The following RBM6 variants were observed in gnomAD, a reference collection of about 807,000 sequenced individuals.
The protein encoded by RBM6 is RNA-binding protein 6.
RBM6 carries 23 observed loss-of-function variants against 140.4 expected under a neutral mutation model. The ratio of observed to expected loss-of-function variants is 0.16; its 90% CI spans 0.12 to 0.23. The LOEUF is 0.23. Among genes scored for constraint, RBM6 ranks in the 10% least tolerant of loss-of-function variants. The pLI, the probability that RBM6 is intolerant of heterozygous loss-of-function variation, is 1.00. For synonymous variants in RBM6, 439 were observed against 475.6 expected (o/e 0.92, Z 1.00); for missense variants, 1,139 against 1,386.7 (o/e 0.82, Z 2.84).
chr3:50,010,138 C>T (rs1287137860), intron 6 of RBM6, among the ~76,000 whole-genome samples: 4 of 152,218 alleles, frequency 2.6e-5, no homozygotes, highest in South Asian at 2.1e-4. Flanking sequence ...CCACCCGTCT[C>T]GGCCTCCCAA....
intron 5 of RBM6, among the ~76,000 whole-genome samples, chr3:49,981,912 A>G (rs748625629): frequency 5.3e-5 from 8 of 152,242 alleles, no homozygotes; most frequent in Non-Finnish European, 1.0e-4. Flanking sequence ...TCATTTAAGC[A>G]AAAATGATAC....
intron 1 of RBM6, among the ~76,000 whole-genome samples, chr3:49,946,531 C>T (rs546164687): frequency 6.6e-5 from 10 of 151,944 alleles, no homozygotes; most frequent in East Asian, 1.9e-4. Context: ...TGAGCCACCG[C>T]GCCTGGCATT....
At chr3:50,076,839 G>A (rs1041539099) in intron 20 of RBM6, among the ~76,000 whole-genome samples, 169 bp from the exon 21 acceptor site, 2 of 151,334 alleles carry the variant, frequency 1.3e-5, no homozygotes, top group Non-Finnish European at 2.9e-5. Context: ...AGCCCAGATC[G>A]CACCACTGCA....
At chr3:50,009,357 C>T (rs936710941) in intron 6 of RBM6, among the ~76,000 whole-genome samples, 1 of 152,126 alleles carries the variant, frequency 6.6e-6, no homozygotes, top group African/African-American at 2.4e-5. Context: ...TCAGAAAATT[C>T]TTGTAGGCTG....
At chr3:50,053,286 A>G (rs1294639041) in intron 7 of RBM6, among the ~76,000 whole-genome samples, 3 of 152,048 alleles carry the variant, frequency 2.0e-5, no homozygotes, top group African/African-American at 7.2e-5. Context: ...AATCCCAGCA[A>G]TTTGGGAGGC....
chr3:50,042,678 G>A (rs1363352538), intron 6 of RBM6, among the ~76,000 whole-genome samples: 2 of 152,104 alleles, frequency 1.3e-5, no homozygotes, highest in African/African-American at 4.8e-5. Context: ...CAAGGCTGCA[G>A]TCAGTCATGA....
At chr3:49,955,169 T>TTC (rs2083922961) in intron 1 of RBM6, among the ~76,000 whole-genome samples, 2 of 114,324 alleles carry the variant, frequency 1.7e-5, no homozygotes, top group Non-Finnish European at 3.6e-5. Flanking sequence ...TCTTTTTTTT[T>TTC]TTTTTTTTTT....
intron 6 of RBM6, among the ~76,000 whole-genome samples, chr3:50,045,393 C>T (rs2089172930): frequency 6.6e-6 from 1 of 152,174 alleles, no homozygotes; most frequent in Non-Finnish European, 1.5e-5. Context: ...GTGTACCAAG[C>T]ACCAGGTCCT....
chr3:49,945,610 G>A (rs751701776), intron 1 of RBM6, among the ~76,000 whole-genome samples: 1 of 151,870 alleles, frequency 6.6e-6, no homozygotes, highest in African/African-American at 2.4e-5. Context: ...GGCTGGGCGC[G>A]GGTGGCTCAT....
chr3:49,974,332 G>A (rs1054347493), intron 4 of RBM6, among the ~76,000 whole-genome samples: 6 of 151,310 alleles, frequency 4.0e-5, no homozygotes, highest in African/African-American at 7.3e-5. Flanking sequence ...CTATCCTCCC[G>A]AGTAGCTGGG....
At chr3:50,071,707 T>C (rs911573842) in intron 19 of RBM6, among the ~76,000 whole-genome samples, 2 of 152,090 alleles carry the variant, frequency 1.3e-5, no homozygotes, top group African/African-American at 4.8e-5. Flanking sequence ...TGTGATCACC[T>C]GGGGAAAGGG....
At chr3:50,070,697 C>G in intron 19 of RBM6, 145 bp downstream of exon 19, 2 of 643,176 alleles carry the variant, frequency 3.1e-6, no homozygotes, top group East Asian at 2.8e-5. Context: ...GAGGTCTATG[C>G]CAGCCTTTTT....
intron 6 of RBM6, 138 bp downstream of exon 6, chr3:49,999,651 G>A: frequency 1.3e-6 from 1 of 741,016 alleles, no homozygotes; most frequent in South Asian, 1.8e-5. Context: ...ACCATCGGTT[G>A]TGAGGAAAAT....
At chr3:50,018,586 T>C (rs947349379) in intron 6 of RBM6, among the ~76,000 whole-genome samples, 2 of 120,634 alleles carry the variant, frequency 1.7e-5, no homozygotes, top group East Asian at 4.8e-4. Flanking sequence ...AGTGTGTTTT[T>C]TTTTTTTTTT....
chr3:50,074,966 A>T (rs1340668525), intron 19 of RBM6, among the ~76,000 whole-genome samples: 1 of 151,834 alleles, frequency 6.6e-6, no homozygotes, highest in African/African-American at 2.4e-5. Context: ...TGGCCAACAC[A>T]GTGAAACTCT....
At chr3:50,003,010 G>A (rs2086411439) in intron 6 of RBM6, among the ~76,000 whole-genome samples, 2 of 152,086 alleles carry the variant, frequency 1.3e-5, no homozygotes, top group African/African-American at 4.8e-5. Context: ...CAGCTACTTG[G>A]GAGGCTGGGG....
At chr3:49,980,025 G>T (rs2085234540) in intron 5 of RBM6, among the ~76,000 whole-genome samples, 1 of 151,376 alleles carries the variant, frequency 6.6e-6, no homozygotes, top group South Asian at 2.1e-4. Context: ...TTTTTAAACG[G>T]AGTCTCGTTT....
intron 3 of RBM6, among the ~76,000 whole-genome samples, chr3:49,970,167 CT>C (rs1035985329): frequency 1.3e-5 from 2 of 152,238 alleles, no homozygotes; most frequent in African/African-American, 4.8e-5. Context: ...GCTGGAACCC[CT>C]GATCTCAAAT....
chr3:49,989,848 G>A (rs1455340711), intron 5 of RBM6, among the ~76,000 whole-genome samples: 1 of 152,082 alleles, frequency 6.6e-6, no homozygotes, highest in African/African-American at 2.4e-5. Context: ...CCAGATTCAA[G>A]CCATTCTCGT....
Sources: gnomAD v4.1 joint callset for allele counts (sites outside exome capture counted in the v4.1 genomes callset) on GRCh38, gnomAD v4.1.1 for gene constraint, MANE v1.5 for transcripts, NCBI Gene and HGNC (gene_info 2026-07-23, HGNC 2026-07-21) for gene names.